The following SERPINB8 variants were observed in gnomAD, a reference collection of about 807,000 sequenced individuals.
SERPINB8 encodes the protein serpin family B member 8, also known as serpin B8.
SERPINB8 carries 25 observed loss-of-function variants against 35.3 expected under a neutral mutation model. That is an observed-to-expected ratio of 0.71 (90% CI 0.52 to 0.99). The LOEUF (loss-of-function observed/expected upper bound fraction) is 0.99. SERPINB8 is among the 50% of genes least tolerant of loss of function. The pLI is 0.00. For missense variants in SERPINB8, 484 were observed against 446.5 expected (o/e 1.08, Z -0.76); for synonymous variants, 186 against 160.8 (o/e 1.16, Z -1.19).
intron 1 of SERPINB8, among the ~76,000 whole-genome samples, chr18:63,972,714 C>T (rs1039200129): frequency 7.2e-6 from 1 of 139,568 alleles, no homozygotes; most frequent in African/African-American, 2.7e-5. Flanking sequence ...TGTTCAGTTC[C>T]CACCTATGAG....
At chr18:63,993,780 C>T (rs1270953952), downstream of SERPINB8, among the ~76,000 whole-genome samples, 1 of 152,164 alleles carries the variant, frequency 6.6e-6, no homozygotes, top group Admixed American at 6.5e-5. Flanking sequence ...CTGCCCTGCT[C>T]ACAGATTTGG....
At position 63,986,891 on chromosome 18, in the gene SERPINB8, A is replaced by G. The variant is rs753955445; in HGVS notation, c.738A>G (p.Thr246=). The G allele has an allele frequency of 2.9e-5, 47 of 1,610,596 alleles. No homozygotes were observed. Among genetic ancestry groups the G allele is most frequent in the Non-Finnish European group, 3.9e-5 (46 of 1,178,956 alleles). The part of the protein sequence containing the change: ...TDLAVVEKAL[T]YEKFKAWTNS... ...TATCCTAGGTGGAAAAAGCACTTAC[A>G]TATGAGAAATTCAAAGCCTGGACAA... is the stretch of plus-strand genomic sequence containing the variant. The change falls in exon 7 of 7, where the codon ACA becomes ACG. Residue 246 remains threonine (T), a synonymous_variant. Transcript: ENST00000397985.
At chr18:63,977,472 T>A (rs1358761666) in intron 1 of SERPINB8, among the ~76,000 whole-genome samples, 1 of 152,048 alleles carries the variant, frequency 6.6e-6, no homozygotes, top group East Asian at 1.9e-4. Flanking sequence ...GGATTACAGG[T>A]GCCCGCCACC....
chr18:64,009,422 CT>C (rs1281482810), downstream of SERPINB8, among the ~76,000 whole-genome samples: 2 of 152,182 alleles, frequency 1.3e-5, no homozygotes, highest in Non-Finnish European at 2.9e-5. Context: ...AGAAGATTTG[CT>C]TTAGCAGACA....
chr18:63,995,653 T>C (rs565631959), intron 1 of SERPINB8, among the ~76,000 whole-genome samples: 1 of 152,280 alleles, frequency 6.6e-6, no homozygotes, highest in East Asian at 1.9e-4. Context: ...AGGCTGTGAG[T>C]GTACCCAATT....
chr18:64,003,624 A>C (rs2050886674), intron 1 of SERPINB8, among the ~76,000 whole-genome samples: 1 of 151,980 alleles, frequency 6.6e-6, no homozygotes, highest in South Asian at 2.1e-4. Flanking sequence ...TGCAGTAAGC[A>C]AGCTGGAGAT....
chr18:63,990,279 T>A (rs1409969543), downstream of SERPINB8, among the ~76,000 whole-genome samples: 2 of 151,984 alleles, frequency 1.3e-5, no homozygotes, highest in East Asian at 1.9e-4. Flanking sequence ...TTTCCCCATG[T>A]TGGCCAGGCT....
Position 63,978,291 on chromosome 18 carries a change from T to C in SERPINB8, c.-10-8T>C, listed in dbSNP as rs984615117. On this transcript the variant is annotated splice_polypyrimidine_tract_variant and splice_region_variant and intron_variant, in intron 1 of 6. Coordinates refer to ENST00000397985, the MANE Select transcript of SERPINB8 (RefSeq NM_002640.4). Reference sequence around the variant, plus strand: ...TATGTGCTTTTCCCTGCTGTGCCTTTGATGCAGACCTTCTCTGATGGATGA... The same window carrying C: ...TATGTGCTTTTCCCTGCTGTGCCTTCGATGCAGACCTTCTCTGATGGATGA... 1.7e-5 allele frequency: 27 copies of C among 1,614,042 alleles called. No individual in the cohort carries two copies. In the East Asian group the frequency reaches 5.8e-4, roughly 35 times the overall value.
chr18:63,994,916 G>T (rs1297684408), intron 1 of SERPINB8, among the ~76,000 whole-genome samples: 2 of 152,202 alleles, frequency 1.3e-5, no homozygotes, highest in East Asian at 3.9e-4. Context: ...CTAAGGCATG[G>T]AAAGAGTGGC....
intron 1 of SERPINB8, among the ~76,000 whole-genome samples, chr18:63,970,932 T>C (rs1206845672): frequency 6.6e-6 from 1 of 152,162 alleles, no homozygotes; most frequent in East Asian, 1.9e-4. Flanking sequence ...GGCGTTACTT[T>C]AACCAATTCC....
At chr18:63,981,909 TC>T in intron 4 of SERPINB8, 71 bp downstream of exon 4, 1 of 1,098,520 alleles carries the variant, frequency 9.1e-7, no homozygotes, top group Non-Finnish European at 1.4e-6. Flanking sequence ...GGATGGGACT[TC>T]CCAGGGTGTT....
chr18:64,013,335 C>A (rs924663017), intron 7 of SERPINB8, among the ~76,000 whole-genome samples: 4 of 152,138 alleles, frequency 2.6e-5, no homozygotes, highest in African/African-American at 9.7e-5. Flanking sequence ...TTTCGGAAAT[C>A]AACCCAAAAC....
At chr18:64,012,590 T>TGCGC (rs112337860) in intron 7 of SERPINB8, among the ~76,000 whole-genome samples, 7,678 of 151,360 alleles carry the variant, frequency 0.051, 264 homozygotes, top group Non-Finnish European at 0.081. Flanking sequence ...TGTGTGTGTG[T>TGCGC]GCGTGTGTGT....
At chr18:64,006,610 C>G (rs1285699611), downstream of SERPINB8, among the ~76,000 whole-genome samples, 1 of 152,158 alleles carries the variant, frequency 6.6e-6, no homozygotes, top group Non-Finnish European at 1.5e-5. Flanking sequence ...GCCACCCAGT[C>G]TGTGGTATTG....
chr18:63,979,637 A>G (rs886612089), intron 2 of SERPINB8, among the ~76,000 whole-genome samples, 164 bp from the exon 3 acceptor site: 3 of 152,208 alleles, frequency 2.0e-5, no homozygotes, highest in Admixed American at 6.5e-5. Context: ...CCAAATGTCA[A>G]TGCTGCATTG....
chr18:63,971,552 C>T (rs979042656), intron 1 of SERPINB8, among the ~76,000 whole-genome samples: 1 of 152,246 alleles, frequency 6.6e-6, no homozygotes, highest in African/African-American at 2.4e-5. Context: ...GGACTGGGCC[C>T]TCCTGTGCTC....
chr18:64,009,006 A>G (rs1254235840), downstream of SERPINB8, among the ~76,000 whole-genome samples: 1 of 152,232 alleles, frequency 6.6e-6, no homozygotes, highest in Non-Finnish European at 1.5e-5. Flanking sequence ...AACGCAGCAT[A>G]CAGTTAGTAA....
At chr18:64,007,651 T>C (rs2050906290), downstream of SERPINB8, among the ~76,000 whole-genome samples, 1 of 151,998 alleles carries the variant, frequency 6.6e-6, no homozygotes, top group Non-Finnish European at 1.5e-5. Context: ...TGGCGAAAGG[T>C]GAAGAGGAAG....
At chr18:64,016,756 T>C (rs977299001) in intron 7 of SERPINB8, among the ~76,000 whole-genome samples, 9 of 152,120 alleles carry the variant, frequency 5.9e-5, no homozygotes, top group Non-Finnish European at 8.8e-5. Flanking sequence ...TCCTGAATTA[T>C]GGGTATGGAA....
Sources: gnomAD v4.1 joint callset for allele counts (sites outside exome capture counted in the v4.1 genomes callset) on GRCh38, gnomAD v4.1.1 for gene constraint, MANE v1.5 for transcripts, NCBI Gene and HGNC (gene_info 2026-07-23, HGNC 2026-07-21) for gene names.